Variants in FBRSL1 observed in about 807,000 individuals in gnomAD.
FBRSL1 encodes fibrosin like 1.
FBRSL1 carries 51 observed loss-of-function variants against 89.6 expected under a neutral mutation model. That is an observed-to-expected ratio of 0.57 (90% CI 0.45 to 0.72). The LOEUF (loss-of-function observed/expected upper bound fraction) is 0.72. Among genes scored for constraint, FBRSL1 ranks in the 30% least tolerant of loss-of-function variants. FBRSL1 has a pLI of 0.00. For missense variants in FBRSL1, 1,618 were observed against 1,451.8 expected (o/e 1.11, Z -1.86); for synonymous variants, 779 against 681.1 (o/e 1.14, Z -2.24).
In FBRSL1 at chr12:132,504,010, T is replaced by C. The variant is rs2033360723; in HGVS notation, c.292-4143T>C. Among the ~76,000 whole-genome samples the C allele has an allele frequency of 2.0e-5, 3 of 151,950 alleles. No homozygotes were observed. In the South Asian group the frequency reaches 6.2e-4, roughly 32 times the overall value. ...GCAGCTTCTGACCCATCTGAGAAGA[T>C]CCCTGGGGGTTCCAGGCCTGACTTT... On this transcript the variant is annotated intron_variant, in intron 1 of 18. Coordinates refer to ENST00000680143, the MANE Select transcript of FBRSL1 (RefSeq NM_001367871.1).
chr12:132,507,337 C>T (rs1418105404), intron 1 of FBRSL1: 8 of 985,374 alleles, frequency 8.1e-6, no homozygotes, highest in African/African-American at 7.0e-5. Flanking sequence ...CTTGACGCGC[C>T]GTATCTGTCT....
intron 2 of FBRSL1, chr12:132,511,848 G>A (rs1224137328): frequency 4.8e-5 from 36 of 743,976 alleles, no homozygotes; most frequent in African/African-American, 9.6e-5. Context: ...CACCCACCCG[G>A]GCCCCTTCCT....
intron 5 of FBRSL1, among the ~76,000 whole-genome samples, chr12:132,567,164 G>A (rs573041247): frequency 2.0e-5 from 3 of 152,080 alleles, no homozygotes; most frequent in Non-Finnish European, 4.4e-5. Context: ...GCCAAATGCC[G>A]GCGCTCCCCC....
At chr12:132,563,343 T>C (rs71452525) in intron 5 of FBRSL1, among the ~76,000 whole-genome samples, 9,894 of 16,490 alleles carry the variant, frequency 0.6, 2,835 homozygotes, top group East Asian at 0.85. Flanking sequence ...AGCCTGCACC[T>C]CACATCTGGC....
intron 14 of FBRSL1, among the ~76,000 whole-genome samples, chr12:132,576,360 T>G (rs528178672): frequency 5.3e-5 from 8 of 152,172 alleles, no homozygotes; most frequent in African/African-American, 1.9e-4. Context: ...GCCCAGCTAA[T>G]TTTTGTATTT....
intron 1 of FBRSL1, among the ~76,000 whole-genome samples, chr12:132,505,557 C>T (rs75449246): frequency 7.1e-4 from 108 of 152,312 alleles, no homozygotes; most frequent in African/African-American, 2.5e-3. Context: ...TGGCCTTGGA[C>T]GGGACGCTGT....
chr12:132,577,069 T>G, intron 15 of FBRSL1, 138 bp downstream of exon 15: 2 of 1,237,700 alleles, frequency 1.6e-6, no homozygotes, highest in Non-Finnish European at 2.2e-6. Context: ...TCACCACTTA[T>G]TCAGGTCAAA....
At position 132,558,497 on chromosome 12, in the gene FBRSL1, G is replaced by A. The variant is rs150212886; in HGVS notation, c.646-8984G>A. On this transcript the variant is annotated intron_variant, in intron 5 of 18. Coordinates refer to ENST00000680143, the MANE Select transcript of FBRSL1 (RefSeq NM_001367871.1). The stretch of plus-strand genomic sequence containing the variant: ...GTGTGCATGGACGCAAGCGCGTGCC[G>A]TTTTCATGGCAGGAAACAGCAGGGC... Among the ~76,000 whole-genome samples, 1,374 of 152,352 alleles carry A rather than the reference G, an allele frequency of 9.0e-3. 21 individuals carry two copies. The highest frequency in any genetic ancestry group is 0.032 in the African/African-American group (1,316 of 41,574).
Position 132,490,607 on chromosome 12 carries a change from G to A in FBRSL1, c.37G>A (p.Ala13Thr). ...AKVRPSRRSR[A>T]QRDRGRRREA... ...GGTCCGCCCGAGCCGGCGCTCGCGC[G>A]CGCAGCGGGACCGTGGCCGGCGCCG... The change falls in exon 1 of 19, where the codon GCG (alanine) becomes ACG (threonine). Residue 13 changes from alanine (A) to threonine (T), a missense_variant. Transcript: ENST00000680143. The A allele has an allele frequency of 1.0e-6, 1 of 982,982 alleles. No individual in the cohort carries two copies. Among genetic ancestry groups the A allele is most frequent in the Non-Finnish European group, 1.2e-6 (1 of 829,746 alleles). 60.9% of individuals were successfully genotyped at this position (982,982 alleles called of 1,614,324 possible).
At chr12:132,521,805 G>A (rs1191313698) in intron 2 of FBRSL1, among the ~76,000 whole-genome samples, 1 of 152,192 alleles carries the variant, frequency 6.6e-6, no homozygotes, top group African/African-American at 2.4e-5. Flanking sequence ...CACATTCCCC[G>A]GGAGGGCACC....
At chr12:132,553,646 G>C (rs2038378579) in intron 5 of FBRSL1, 1 of 152,202 alleles carries the variant, frequency 6.6e-6, no homozygotes, top group South Asian at 2.1e-4. Flanking sequence ...CAAGCGCCCG[G>C]GTCCTCAGAT....
intron 14 of FBRSL1, among the ~76,000 whole-genome samples, chr12:132,575,134 C>T (rs1038314035): frequency 3.3e-5 from 5 of 152,174 alleles, no homozygotes; most frequent in South Asian, 4.1e-4. Flanking sequence ...GCTGTCCCTG[C>T]GCTGTCCTGA....
rs190840940 is a variant in FBRSL1, at chr12:132,580,457, G to A, written c.1835-982G>A. Among the ~76,000 whole-genome samples the A allele has an allele frequency of 1.4e-4, 22 of 152,178 alleles. 1 individual carries two copies. The highest frequency in any genetic ancestry group is 1.0e-3 in the Admixed American group (16 of 15,302). ...TTCTCTGTGTGTTTCCCTGTGTGTC[G>A]CTCACTTTTCTGGCCCTGTCTAGCT... On this transcript the variant is annotated intron_variant, in intron 15 of 18. Transcript: ENST00000680143.
chr12:132,497,783 G>A (rs1188623132), intron 1 of FBRSL1, among the ~76,000 whole-genome samples: 1 of 152,166 alleles, frequency 6.6e-6, no homozygotes. Flanking sequence ...CCTGACTCCC[G>A]CCATGTGGCC....
intron 15 of FBRSL1, among the ~76,000 whole-genome samples, chr12:132,579,733 G>A (rs1198355229): frequency 6.6e-6 from 1 of 152,126 alleles, no homozygotes. Flanking sequence ...TTGTCACGAG[G>A]GCTCTTTGCC....
chr12:132,578,904 T>C (rs540736602), intron 15 of FBRSL1, among the ~76,000 whole-genome samples: 1 of 152,376 alleles, frequency 6.6e-6, no homozygotes, highest in Admixed American at 6.5e-5. Flanking sequence ...AGCATCCCAG[T>C]AGTCTGGCTT....
Position 132,490,855 on chromosome 12 carries a change from C to G in FBRSL1, c.285C>G (p.Ala95=), listed in dbSNP as rs1593202840. The part of the protein sequence containing the change: ...FAIASFSTLE[A]LEKDMALKPH... The stretch of plus-strand genomic sequence containing the variant: ...TCGCCAGCTTCAGCACCCTGGAGGC[C>G]CTGGAGGTAGGTGGACGGGTGCGGC... Residue 95 remains alanine (A), a synonymous_variant, in exon 1 of 19, where the codon GCC becomes GCG. Transcript: ENST00000680143. 2 of 1,402,396 alleles carry G rather than the reference C, an allele frequency of 1.4e-6. No individual in the cohort carries two copies. The highest frequency in any genetic ancestry group is 5.7e-5 in the Admixed American group (2 of 35,284). The allele number at this position is 1,402,396 out of a possible 1,614,324, so 86.9% of individuals were successfully genotyped here.
chr12:132,542,173 C>T (rs1469273940), intron 4 of FBRSL1, among the ~76,000 whole-genome samples: 1 of 152,240 alleles, frequency 6.6e-6, no homozygotes, highest in Non-Finnish European at 1.5e-5. Context: ...GGAACTGGCA[C>T]ACGCAGGACG....
chr12:132,525,677 C>T (rs1294922201), intron 2 of FBRSL1, 57 bp from the exon 3 acceptor site: 9 of 1,441,974 alleles, frequency 6.2e-6, no homozygotes, highest in Non-Finnish European at 8.6e-6. Context: ...CAGGGGGCCC[C>T]GATGCGGACG....
Sources: gnomAD v4.1 joint callset for allele counts (sites outside exome capture counted in the v4.1 genomes callset) on GRCh38, gnomAD v4.1.1 for gene constraint, MANE v1.5 for transcripts, NCBI Gene and HGNC (gene_info 2026-07-23, HGNC 2026-07-21) for gene names.